Variants in CALHM4 observed in about 807,000 individuals in gnomAD.
CALHM4 encodes the protein calcium homeostasis modulator family member 4.
A neutral mutation model predicts 13.3 loss-of-function variants in CALHM4; 16 were observed. That is an observed-to-expected ratio of 1.20 (90% CI 0.81 to 1.82). The LOEUF (loss-of-function observed/expected upper bound fraction) is 1.82. Among genes scored for constraint, CALHM4 ranks in the 40% most tolerant of loss-of-function variants. CALHM4 has a pLI of 0.00. For missense variants in CALHM4, 344 were observed against 374.9 expected, an observed-to-expected ratio of 0.92 and a Z score of 0.68; for synonymous variants, 127 against 137.1, an observed-to-expected ratio of 0.93 and a Z score of 0.52.
At chr6:116,533,947 G>A (rs1583285463) in intron 1 of CALHM4, among the ~76,000 whole-genome samples, 1 of 152,120 alleles carries the variant, frequency 6.6e-6, no homozygotes, top group Non-Finnish European at 1.5e-5. Flanking sequence ...GTTCCCTGCC[G>A]GCAGTCTGAG....
At position 116,540,891 on chromosome 6, in the gene CALHM4, C is replaced by G. The variant is rs926905648; in HGVS notation, c.-108-2874C>G. Among the ~76,000 whole-genome samples the G allele has an allele frequency of 9.2e-5, 14 of 152,052 alleles. 1 individual carries two copies. The highest frequency in any genetic ancestry group is 2.4e-5 in the African/African-American group (1 of 41,414). ...CTCGCTCTTCTCTTAGCATTGTTAT[C>G]AGGGTAGAAGGGCAGGCATTTCCAG... is the stretch of plus-strand genomic sequence containing the variant. On this transcript the variant is annotated intron_variant, in intron 1 of 2. Coordinates refer to the CALHM4 transcript ENST00000368597.
intron 1 of CALHM4, among the ~76,000 whole-genome samples, chr6:116,554,720 T>C (rs1583316677): frequency 6.6e-6 from 1 of 152,192 alleles, no homozygotes. Context: ...TTATGAATAT[T>C]ATTATTGCTA....
Position 116,554,369 on chromosome 6 carries a change from T to C in CALHM4, c.558+18T>C, listed in dbSNP as rs749976414. 331 of 1,505,346 alleles carry C rather than the reference T, an allele frequency of 2.2e-4. No individual in the cohort carries two copies. The highest frequency in any genetic ancestry group is 2.9e-4 in the Non-Finnish European group (325 of 1,129,620). The allele number at this position is 1,505,346 out of a possible 1,614,324, so 93.2% of individuals were successfully genotyped here. ...AGTCACAGGTAAGTTTTTAGAATTT[T>C]TTTCCCTCTGCTATGTTATCCTATA... On this transcript the variant is annotated intron_variant, in intron 1 of 1. Transcript: ENST00000368596.
At chr6:116,536,666 G>A (rs756846921) in intron 1 of CALHM4, among the ~76,000 whole-genome samples, 4 of 152,084 alleles carry the variant, frequency 2.6e-5, no homozygotes, top group Admixed American at 2.0e-4. Context: ...GAGTTTTATG[G>A]GTGCCATGGT....
chr6:116,551,130 C>T (rs1774061003), upstream of CALHM4, among the ~76,000 whole-genome samples: 1 of 152,184 alleles, frequency 6.6e-6, no homozygotes, highest in African/African-American at 2.4e-5. Flanking sequence ...TTCCCTGCTT[C>T]CTTCTGTCCC....
intron 1 of CALHM4, among the ~76,000 whole-genome samples, chr6:116,534,879 GTTTT>G (rs1248290028): frequency 6.6e-6 from 1 of 152,098 alleles, no homozygotes; most frequent in Non-Finnish European, 1.5e-5. Context: ...GGGGTTTCAA[GTTTT>G]TTAAGTCTTT....
chr6:116,558,279 C>G lies in CALHM4; in HGVS notation c.*68C>G. 6.9e-7 allele frequency: 1 copy of G among 1,446,794 alleles called. No individual in the cohort carries two copies. Among genetic ancestry groups the G allele is most frequent in the Non-Finnish European group, 9.3e-7 (1 of 1,079,150 alleles). 89.6% of individuals were successfully genotyped at this position (1,446,794 alleles called of 1,614,324 possible). On this transcript the variant is annotated 3_prime_UTR_variant, in exon 2 of 2. Transcript: ENST00000368596. ...GCTTTTATGGCTTTTATGATCAGGCCATTTCAATGTAATCTCTTCATCTTT... is the reference window on the plus strand; with the variant it reads ...GCTTTTATGGCTTTTATGATCAGGCGATTTCAATGTAATCTCTTCATCTTT...
intron 1 of CALHM4, among the ~76,000 whole-genome samples, chr6:116,535,569 G>C (rs1773022815): frequency 6.6e-6 from 1 of 152,076 alleles, no homozygotes; most frequent in South Asian, 2.1e-4. Context: ...TAACTAAGGA[G>C]GTTTTTTGGC....
At chr6:116,535,008 C>T (rs1009989894) in intron 1 of CALHM4, among the ~76,000 whole-genome samples, 4 of 152,056 alleles carry the variant, frequency 2.6e-5, no homozygotes, top group Non-Finnish European at 5.9e-5. Context: ...TTGACATGGA[C>T]CTGAGAGCAA....
At chr6:116,541,948 G>C (rs1773490233) in intron 1 of CALHM4, among the ~76,000 whole-genome samples, 1 of 152,140 alleles carries the variant, frequency 6.6e-6, no homozygotes, top group Non-Finnish European at 1.5e-5. Flanking sequence ...CTTAAGGAAA[G>C]ATCTTTCTGC....
chr6:116,547,864 C>T (rs1475749709), intron 2 of CALHM4, among the ~76,000 whole-genome samples: 2 of 152,218 alleles, frequency 1.3e-5, no homozygotes, highest in Non-Finnish European at 2.9e-5. Flanking sequence ...ATTCTTCAGT[C>T]TGGTAAAACT....
chr6:116,531,196 A>G (rs1454611613), intron 1 of CALHM4, among the ~76,000 whole-genome samples: 1 of 151,894 alleles, frequency 6.6e-6, no homozygotes, highest in Non-Finnish European at 1.5e-5. Context: ...TACTTAACAC[A>G]GGGCTAGTGA....
At chr6:116,542,704 T>C (rs1161381473) in intron 1 of CALHM4, among the ~76,000 whole-genome samples, 1 of 152,124 alleles carries the variant, frequency 6.6e-6, no homozygotes, top group Non-Finnish European at 1.5e-5. Context: ...AGAATGGGTC[T>C]CATTTAAAAA....
Position 116,554,219 on chromosome 6 carries a change from C to A in CALHM4, c.426C>A (p.Tyr142Ter), listed in dbSNP as rs565671109. The change falls in exon 1 of 2, where the codon TAC becomes TAA. Residue 142 changes from tyrosine to a stop codon, truncating the protein, a stop_gained. Transcript: ENST00000368596. LOFTEE classifies it high-confidence loss of function. Reference protein sequence around the residue: ...AASEFASVDHYPMFDNVSASK... With the variant: ...AASEFASVDH ...GTGAATTTGCATCTGTGGACCATTA[C>A]CCAATGTTTGATAATGTCAGTGCCA... 4.5e-6 allele frequency: 7 copies of A among 1,550,576 alleles called. 3 individuals carry two copies. In the Admixed American group the frequency reaches 1.4e-4, roughly 30 times the overall value.
At position 116,554,012 on chromosome 6, in the gene CALHM4, A is replaced by T. The variant is rs1420592976; in HGVS notation, c.219A>T (p.Gln73His). ...TTGCTGGCTTTGCTCTGAGAAGCCA[A>T]ATGTGGACAATTACCGGTGAATACT... is the stretch of plus-strand genomic sequence containing the variant. ...LLVAGFALRS[Q>H]MWTITGEYCC... The change falls in exon 1 of 2, where the codon CAA becomes CAT. Residue 73 changes from glutamine (Q) to histidine (H), a missense_variant. Coordinates refer to ENST00000368596, the MANE Select transcript of CALHM4 (RefSeq NM_001366078.2). 1.3e-6 allele frequency: 2 copies of T among 1,550,598 alleles called. No individual in the cohort carries two copies. Among genetic ancestry groups the T allele is most frequent in the Non-Finnish European group, 8.7e-7 (1 of 1,147,006 alleles).
At chr6:116,533,773 C>G (rs541341606) in intron 1 of CALHM4, among the ~76,000 whole-genome samples, 1 of 152,316 alleles carries the variant, frequency 6.6e-6, no homozygotes, top group African/African-American at 2.4e-5. Flanking sequence ...TCTAGCGTGC[C>G]TTTTGTTGGC....
chr6:116,540,267 C>T, intron 1 of CALHM4: 2 of 1,123,962 alleles, frequency 1.8e-6, no homozygotes, highest in Non-Finnish European at 2.5e-6. Context: ...ACAATGAATG[C>T]AGATGGAACC....
chr6:116,543,471 T>C (rs1200142510), intron 1 of CALHM4: 1 of 1,306,078 alleles, frequency 7.7e-7, no homozygotes, highest in East Asian at 2.6e-5. Flanking sequence ...CTTTTGTTTA[T>C]AAAATCTGGT....
intron 1 of CALHM4, among the ~76,000 whole-genome samples, chr6:116,531,492 C>T (rs554784146): frequency 9.9e-5 from 15 of 152,220 alleles, no homozygotes; most frequent in Admixed American, 2.0e-4. Flanking sequence ...CAAAGACTTG[C>T]TGCTGAGGGT....
Sources: allele counts gnomAD v4.1 joint callset (sites outside exome capture counted in the v4.1 genomes callset), GRCh38; gene constraint gnomAD v4.1.1; transcripts MANE v1.5; gene names NCBI Gene and HGNC (gene_info 2026-07-23, HGNC 2026-07-21).